RBFOX1: variants seen among roughly 807,000 people sequenced by gnomAD.
The protein encoded by RBFOX1 is RNA binding protein fox-1 homolog 1.
A neutral mutation model predicts 57.7 loss-of-function variants in RBFOX1; 8 were observed. The ratio of observed to expected loss-of-function variants is 0.14; its 90% CI spans 0.08 to 0.25. RBFOX1 has a LOEUF of 0.25. Among genes scored for constraint, RBFOX1 ranks in the 10% least tolerant of loss-of-function variants. The probability of loss-of-function intolerance (pLI) is 1.00; values close to 1 mark genes in which losing one functional copy is unlikely to be tolerated. For missense variants in RBFOX1, 611 were observed against 548.5 expected (o/e 1.11, Z -1.14); for synonymous variants, 326 against 222.4 (o/e 1.47, Z -4.15).
chr16:5,411,852 C>T (rs1308868685), intron 1 of RBFOX1, among the ~76,000 whole-genome samples: 1 of 152,104 alleles, frequency 6.6e-6, no homozygotes, highest in Non-Finnish European at 1.5e-5. Context: ...CACTGCACTC[C>T]AGCCTGGGTG....
chr16:7,694,927 G>C (rs191690509), intron 14 of RBFOX1, among the ~76,000 whole-genome samples: 1 of 152,148 alleles, frequency 6.6e-6, no homozygotes. Context: ...CAGTATGTTA[G>C]GTTATATTTG....
intron 3 of RBFOX1, among the ~76,000 whole-genome samples, chr16:6,830,529 G>C (rs1400762288): frequency 6.6e-6 from 1 of 152,140 alleles, no homozygotes; most frequent in Non-Finnish European, 1.5e-5. Flanking sequence ...TCCCCCAGGG[G>C]ACAGCTGGCA....
At chr16:7,150,463 C>G (rs549292624) in intron 4 of RBFOX1, among the ~76,000 whole-genome samples, 7 of 152,198 alleles carry the variant, frequency 4.6e-5, no homozygotes, top group Non-Finnish European at 7.3e-5. Flanking sequence ...TCAGCCACAA[C>G]TTCCACCATT....
intron 3 of RBFOX1, among the ~76,000 whole-genome samples, chr16:6,979,417 T>G (rs1568196747): frequency 6.6e-6 from 1 of 152,156 alleles, no homozygotes; most frequent in Admixed American, 6.5e-5. Flanking sequence ...AAATTAAAGT[T>G]GAAGAAAGTC....
chr16:7,425,087 AAT>A (rs1480992076), intron 4 of RBFOX1, among the ~76,000 whole-genome samples: 1 of 152,158 alleles, frequency 6.6e-6, no homozygotes, highest in African/African-American at 2.4e-5. Context: ...CATTTTTTAA[AAT>A]ATGTTTTTTT....
intron 4 of RBFOX1, among the ~76,000 whole-genome samples, chr16:7,055,844 G>A (rs1170704952): frequency 1.3e-5 from 2 of 152,128 alleles, no homozygotes; most frequent in Non-Finnish European, 2.9e-5. Context: ...GTTTGTCAGG[G>A]TGCTGGTTTC....
At chr16:6,525,639 C>A (rs868320802) in intron 2 of RBFOX1, among the ~76,000 whole-genome samples, 1 of 151,164 alleles carries the variant, frequency 6.6e-6, no homozygotes, top group Admixed American at 6.6e-5. Flanking sequence ...GGTCTGGTGT[C>A]TGGAGAGAAC....
intron 4 of RBFOX1, among the ~76,000 whole-genome samples, chr16:7,287,766 T>A (rs1185747659): frequency 6.6e-6 from 1 of 152,152 alleles, no homozygotes; most frequent in Non-Finnish European, 1.5e-5. Context: ...AAGAGATAAA[T>A]TTAGAAGTGG....
At chr16:5,544,951 CTTTTTTTTTTTTTT>C (rs59873374) in intron 2 of RBFOX1, among the ~76,000 whole-genome samples, 65 of 124,366 alleles carry the variant, frequency 5.2e-4, no homozygotes, top group Admixed American at 1.3e-3. Flanking sequence ...CTATTACATT[CTTTTTTTTTTTTTT>C]TTTTTTTTTT....
At chr16:6,080,512 C>T (rs141341500) in intron 1 of RBFOX1, among the ~76,000 whole-genome samples, 4 of 152,180 alleles carry the variant, frequency 2.6e-5, no homozygotes, top group African/African-American at 7.2e-5. Flanking sequence ...GAGGGGGAGG[C>T]AAACATTGAT....
At chr16:6,525,844 A>T (rs971852538) in intron 2 of RBFOX1, among the ~76,000 whole-genome samples, 16 of 152,086 alleles carry the variant, frequency 1.1e-4, no homozygotes, top group African/African-American at 3.6e-4. Context: ...GGCAATTCAC[A>T]ACTAAGTTTG....
chr16:6,123,894 C>CA (rs1227692181), intron 1 of RBFOX1, among the ~76,000 whole-genome samples: 2 of 151,702 alleles, frequency 1.3e-5, no homozygotes, highest in Admixed American at 6.6e-5. Context: ...GAGACTCCCT[C>CA]AAAAAAAGAA....
chr16:5,906,431 C>G lies in RBFOX1; in HGVS notation c.351+39096C>G, dbSNP rs552633856. ...CAAACTACTGCATGCTAGGGTAGAG[C>G]TACGGAACAGATCCTGCTTCACAGT... On this transcript the variant is annotated intron_variant, in intron 4 of 19. Coordinates refer to the RBFOX1 transcript ENST00000641259. 4.6e-5 allele frequency among the ~76,000 whole-genome samples: 7 copies of G among 152,284 alleles called. No homozygotes were observed. In the East Asian group the frequency reaches 1.4e-3, roughly 29 times the overall value.
chr16:6,838,156 G>C (rs1385798099), intron 3 of RBFOX1, among the ~76,000 whole-genome samples: 1 of 151,990 alleles, frequency 6.6e-6, no homozygotes, highest in Non-Finnish European at 1.5e-5. Flanking sequence ...TTAAGTATTT[G>C]TCCTAATGCT....
At chr16:7,217,292 C>CTTTT (rs71147672) in intron 4 of RBFOX1, among the ~76,000 whole-genome samples, 1,981 of 104,012 alleles carry the variant, frequency 0.019, 121 homozygotes, top group East Asian at 0.06. Context: ...TCTTATTCTT[C>CTTTT]TTTTTTTTTT....
intron 4 of RBFOX1, among the ~76,000 whole-genome samples, chr16:7,067,690 C>A (rs1429827594): frequency 1.6e-5 from 2 of 123,504 alleles, no homozygotes; most frequent in Non-Finnish European, 3.3e-5. Context: ...CCCCCGTCCC[C>A]CCACCCCACA....
intron 2 of RBFOX1, among the ~76,000 whole-genome samples, chr16:6,431,455 G>A (rs1449316290): frequency 6.6e-6 from 1 of 152,216 alleles, no homozygotes; most frequent in East Asian, 1.9e-4. Flanking sequence ...AGCCCAGGAA[G>A]CGTCACGTGG....
chr16:6,121,967 A>G (rs1331347553), intron 1 of RBFOX1, among the ~76,000 whole-genome samples: 2 of 152,138 alleles, frequency 1.3e-5, no homozygotes, highest in African/African-American at 4.8e-5. Context: ...GTGCAGTGGC[A>G]TGATCTCTGC....
intron 4 of RBFOX1, among the ~76,000 whole-genome samples, chr16:7,105,749 C>A (rs1052670345): frequency 6.7e-6 from 1 of 149,090 alleles, no homozygotes; most frequent in African/African-American, 2.5e-5. Flanking sequence ...GATTCAGTCA[C>A]AGAGATATAT....
Sources: allele counts gnomAD v4.1 joint callset (sites outside exome capture counted in the v4.1 genomes callset), GRCh38; gene constraint gnomAD v4.1.1; transcripts MANE v1.5; gene names NCBI Gene and HGNC (gene_info 2026-07-23, HGNC 2026-07-21).